MRPS31: variants seen among roughly 807,000 people sequenced by gnomAD.
The protein encoded by MRPS31 is small ribosomal subunit protein mS31.
Under a neutral mutation model 43.1 loss-of-function variants are expected in MRPS31, and 32 were observed. The observed-to-expected ratio is 0.74, with a 90% CI of 0.56 to 1.00. The LOEUF is 1.00. Among genes scored for constraint, MRPS31 ranks in the 50% least tolerant of loss-of-function variants. The pLI is 0.00. For synonymous variants in MRPS31, 165 were observed against 161.6 expected (o/e 1.02, Z -0.16); for missense variants, 437 against 466.7 (o/e 0.94, Z 0.59).
At chr13:40,735,023 G>A (rs925942976) in intron 6 of MRPS31, among the ~76,000 whole-genome samples, 15 of 152,292 alleles carry the variant, frequency 9.8e-5, no homozygotes, top group African/African-American at 1.7e-4. Context: ...CTGAGGTACC[G>A]GGTTCATCTC....
intron 6 of MRPS31, chr13:40,731,198 GAGCTGTGATCATACCATGCACTCT>G (rs1191811378): frequency 2.0e-5 from 3 of 149,834 alleles, no homozygotes; most frequent in Non-Finnish European, 4.4e-5. Flanking sequence ...AGGCTGTAGT[GAGCTGTGATCATACCATGCACTCT>G]AGCCTGGGCG....
At chr13:40,748,606 T>C (rs1880304980) in intron 6 of MRPS31, among the ~76,000 whole-genome samples, 1 of 152,216 alleles carries the variant, frequency 6.6e-6, no homozygotes, top group South Asian at 2.1e-4. Flanking sequence ...TCCAGTAAAG[T>C]AGATGATATT....
intron 1 of MRPS31, 28 bp from the exon 2 acceptor site, chr13:40,767,061 G>A: frequency 1.3e-6 from 2 of 1,557,972 alleles, no homozygotes; most frequent in African/African-American, 1.4e-5. Flanking sequence ...AGAAAAAAAT[G>A]AAAAATACAA....
intron 6 of MRPS31, among the ~76,000 whole-genome samples, chr13:40,745,608 C>T (rs1208132263): frequency 1.3e-5 from 2 of 152,136 alleles, no homozygotes; most frequent in African/African-American, 4.8e-5. Flanking sequence ...AGATGTTTTG[C>T]AAATATTTTC....
rs186720498 is a variant in MRPS31, at chr13:40,735,320, A to T, written c.959-5719T>A. Among the ~76,000 whole-genome samples, 1,213 of 152,296 alleles carry T rather than the reference A, an allele frequency of 8.0e-3. 23 individuals carry two copies. Among genetic ancestry groups the T allele is most frequent in the African/African-American group, 0.028 (1,175 of 41,560 alleles). The stretch of plus-strand genomic sequence containing the variant: ...CGCTGATTGCTAGCACAGCAGTCTG[A>T]GATCAAACTGCAAGGCGGCAGTGAG... On this transcript the variant is annotated intron_variant, in intron 6 of 6. Transcript: ENST00000323563.
chr13:40,760,842 T>G (rs912520468), intron 2 of MRPS31, among the ~76,000 whole-genome samples: 9 of 152,126 alleles, frequency 5.9e-5, no homozygotes, highest in Admixed American at 5.9e-4. Context: ...TTACTATACC[T>G]GGCTTTCTAT....
intron 2 of MRPS31, among the ~76,000 whole-genome samples, chr13:40,765,224 C>A (rs566731246): frequency 6.6e-6 from 1 of 152,190 alleles, no homozygotes; most frequent in African/African-American, 2.4e-5. Context: ...ATACATCACA[C>A]CCATCCTCCA....
At chr13:40,733,674 A>G (rs1473089972) in intron 6 of MRPS31, among the ~76,000 whole-genome samples, 7 of 152,186 alleles carry the variant, frequency 4.6e-5, no homozygotes, top group Non-Finnish European at 1.0e-4. Flanking sequence ...TCAACAACAT[A>G]AGACAGTGGA....
rs1879827617 is a variant in MRPS31, at chr13:40,734,776, C to T, written c.959-5175G>A. ...CCAGGCATGGTGGTGTGCCTGTGGT[C>T]CTCTCCTCACTAGAAAGGCTGAGAT... is the stretch of plus-strand genomic sequence containing the variant. On this transcript the variant is annotated intron_variant, in intron 6 of 6. Coordinates refer to ENST00000323563, the MANE Select transcript of MRPS31 (RefSeq NM_005830.4). Among the ~76,000 whole-genome samples the T allele has an allele frequency of 2.0e-5, 3 of 152,054 alleles. No individual in the cohort carries two copies. In the South Asian group the frequency reaches 6.2e-4, roughly 32 times the overall value.
chr13:40,770,867 G>A, intron 1 of MRPS31, 118 bp downstream of exon 1: 1 of 1,328,708 alleles, frequency 7.5e-7, no homozygotes, highest in Non-Finnish European at 1.1e-6. Flanking sequence ...TTTTCTTTCT[G>A]GGATTTCTCT....
At chr13:40,738,177 A>G (rs1879978381) in intron 6 of MRPS31, among the ~76,000 whole-genome samples, 1 of 151,562 alleles carries the variant, frequency 6.6e-6, no homozygotes, top group Non-Finnish European at 1.5e-5. Flanking sequence ...CAAATAAACT[A>G]GAAAATCTAG....
chr13:40,765,331 T>C (rs1188464344), intron 2 of MRPS31, among the ~76,000 whole-genome samples: 1 of 152,222 alleles, frequency 6.6e-6, no homozygotes, highest in Non-Finnish European at 1.5e-5. Flanking sequence ...CATGTATGTT[T>C]GCCTCACTCA....
chr13:40,769,253 G>T (rs1880932808), intron 1 of MRPS31, among the ~76,000 whole-genome samples: 1 of 151,082 alleles, frequency 6.6e-6, no homozygotes, highest in Admixed American at 6.6e-5. Context: ...GTGGGTGCCT[G>T]TAGTCCCAGC....
intron 2 of MRPS31, among the ~76,000 whole-genome samples, chr13:40,761,827 T>C (rs1880702469): frequency 6.6e-6 from 1 of 151,700 alleles, no homozygotes. Context: ...GCAGGCAACT[T>C]GGTGCCATAT....
chr13:40,737,959 G>C (rs1456905421), intron 6 of MRPS31, among the ~76,000 whole-genome samples: 1 of 151,934 alleles, frequency 6.6e-6, no homozygotes, highest in Non-Finnish European at 1.5e-5. Flanking sequence ...GAAGGAAATA[G>C]AGACACAAAA....
At chr13:40,767,243 C>T (rs1391505587) in intron 1 of MRPS31, among the ~76,000 whole-genome samples, 1 of 151,834 alleles carries the variant, frequency 6.6e-6, no homozygotes, top group African/African-American at 2.4e-5. Flanking sequence ...CCGCAAACCC[C>T]GCCTCCAGGG....
At chr13:40,770,932 C>T in intron 1 of MRPS31, 53 bp downstream of exon 1, 1 of 1,611,500 alleles carries the variant, frequency 6.2e-7, no homozygotes, top group Non-Finnish European at 8.5e-7. Context: ...AACATCGACC[C>T]CAGGAAGTCG....
At chr13:40,731,735 C>T (rs1341992066) in intron 6 of MRPS31, among the ~76,000 whole-genome samples, 1 of 152,148 alleles carries the variant, frequency 6.6e-6, no homozygotes, top group Non-Finnish European at 1.5e-5. Context: ...CAACTATATG[C>T]TGTTCATAAG....
chr13:40,729,572 C>T lies in MRPS31; in HGVS notation c.988G>A (p.Glu330Lys). 6.2e-7 allele frequency: 1 copy of T among 1,613,654 alleles called. No homozygotes were observed. The highest frequency in any genetic ancestry group is 8.5e-7 in the Non-Finnish European group (1 of 1,179,756). ...GFDDDGSEFHEHIFLEKHLES... is the reference protein window; with the variant it reads ...GFDDDGSEFHKHIFLEKHLES... ...AGGTGTTTCTCCAGAAATATATGTT[C>T]ATGAAATTCTGAACCATCATCATCA... Residue 330 changes from glutamate (E) to lysine (K), a missense_variant, in exon 7 of 7, where the codon GAA becomes AAA. Coordinates refer to ENST00000323563, the MANE Select transcript of MRPS31 (RefSeq NM_005830.4).
Sources: allele counts gnomAD v4.1 joint callset (sites outside exome capture counted in the v4.1 genomes callset), GRCh38; gene constraint gnomAD v4.1.1; transcripts MANE v1.5; gene names NCBI Gene and HGNC (gene_info 2026-07-23, HGNC 2026-07-21).